The following TMEM178B variants were observed in gnomAD, a reference collection of about 807,000 sequenced individuals.
TMEM178B encodes the protein transmembrane protein 178B.
TMEM178B carries 5 observed loss-of-function variants against 31.0 expected under a neutral mutation model. That is an observed-to-expected ratio of 0.16 (90% CI 0.08 to 0.34). The LOEUF (loss-of-function observed/expected upper bound fraction) is 0.34, where lower values mean the gene tolerates loss of function less well. Ranked by LOEUF, TMEM178B falls within the 10% of genes least tolerant of loss-of-function variation. The probability of loss-of-function intolerance (pLI) is 1.00; values close to 1 mark genes in which losing one functional copy is unlikely to be tolerated. For synonymous variants in TMEM178B, 164 were observed against 164.0 expected, an observed-to-expected ratio of 1.00 and a Z score of 0.00; for missense variants, 275 against 400.3, an observed-to-expected ratio of 0.69 and a Z score of 2.67.
At chr7:141,122,767 T>G (rs1197258416) in intron 1 of TMEM178B, among the ~76,000 whole-genome samples, 1 of 152,260 alleles carries the variant, frequency 6.6e-6, no homozygotes, top group Non-Finnish European at 1.5e-5. Context: ...TTTTCTTCTT[T>G]CTTTCCCACT....
At chr7:141,332,627 C>A (rs1005118745) in intron 2 of TMEM178B, among the ~76,000 whole-genome samples, 1 of 152,316 alleles carries the variant, frequency 6.6e-6, no homozygotes, top group Non-Finnish European at 1.5e-5. Context: ...TTATACAAAA[C>A]AACAGTATGT....
chr7:141,193,755 G>A (rs1796735289), intron 1 of TMEM178B, among the ~76,000 whole-genome samples: 1 of 152,164 alleles, frequency 6.6e-6, no homozygotes, highest in African/African-American at 2.4e-5. Context: ...AAGCACAACA[G>A]CCCCAGCCCA....
At chr7:141,082,701 G>A (rs936201431) in intron 1 of TMEM178B, among the ~76,000 whole-genome samples, 8 of 152,220 alleles carry the variant, frequency 5.3e-5, no homozygotes, top group African/African-American at 1.9e-4. Flanking sequence ...TCTTTGCTAC[G>A]TGTGGAGGGA....
chr7:141,403,934 G>A (rs913033856), intron 2 of TMEM178B, among the ~76,000 whole-genome samples: 17 of 152,200 alleles, frequency 1.1e-4, no homozygotes, highest in African/African-American at 4.1e-4. Context: ...TCGGAAATAA[G>A]CAGGATAAGG....
At chr7:141,131,924 A>G (rs572379814) in intron 1 of TMEM178B, among the ~76,000 whole-genome samples, 4 of 152,354 alleles carry the variant, frequency 2.6e-5, no homozygotes, top group Non-Finnish European at 5.9e-5. Context: ...GGAAAGTTGC[A>G]GATGCTCTGC....
intron 3 of TMEM178B, among the ~76,000 whole-genome samples, chr7:141,455,372 A>G (rs1363292735): frequency 6.6e-6 from 1 of 152,202 alleles, no homozygotes; most frequent in Non-Finnish European, 1.5e-5. Context: ...CTCTTCTTCC[A>G]ATCTCACCAG....
intron 1 of TMEM178B, among the ~76,000 whole-genome samples, chr7:141,169,299 G>T (rs1203397786): frequency 6.6e-6 from 1 of 152,170 alleles, no homozygotes; most frequent in Non-Finnish European, 1.5e-5. Context: ...TGTGGTATTT[G>T]GTTTTCTGTT....
intron 1 of TMEM178B, among the ~76,000 whole-genome samples, chr7:141,109,068 G>A (rs57007054): frequency 0.13 from 20,001 of 151,996 alleles, 2,472 homozygotes; most frequent in African/African-American, 0.32. Flanking sequence ...GTATAGGAGA[G>A]ACCGCCCCCA....
chr7:141,263,834 C>T (rs1321055775), intron 2 of TMEM178B, among the ~76,000 whole-genome samples: 1 of 152,176 alleles, frequency 6.6e-6, no homozygotes, highest in African/African-American at 2.4e-5. Flanking sequence ...CTTTTACTTT[C>T]CATAGTTCTG....
intron 2 of TMEM178B, among the ~76,000 whole-genome samples, chr7:141,246,129 G>T (rs1460196095): frequency 6.6e-6 from 1 of 152,060 alleles, no homozygotes; most frequent in Non-Finnish European, 1.5e-5. Context: ...GAGGGGATGA[G>T]TCTGAATAAG....
chr7:141,128,011 G>A (rs1313044066), intron 1 of TMEM178B, among the ~76,000 whole-genome samples: 5 of 152,170 alleles, frequency 3.3e-5, no homozygotes, highest in African/African-American at 1.2e-4. Context: ...CCTAAAGGCT[G>A]TGTGAATTCC....
At chr7:141,152,943 C>T (rs1041560094) in intron 1 of TMEM178B, among the ~76,000 whole-genome samples, 2 of 152,128 alleles carry the variant, frequency 1.3e-5, no homozygotes, top group African/African-American at 4.8e-5. Context: ...GGAGATAGTA[C>T]CAGAATCCTT....
At chr7:141,190,109 G>A (rs1005847654) in intron 1 of TMEM178B, among the ~76,000 whole-genome samples, 1 of 152,130 alleles carries the variant, frequency 6.6e-6, no homozygotes, top group Non-Finnish European at 1.5e-5. Context: ...CTTGGCTTAC[G>A]ACAAGGTTTT....
At chr7:141,253,818 C>T (rs2116345029) in intron 2 of TMEM178B, among the ~76,000 whole-genome samples, 1 of 152,240 alleles carries the variant, frequency 6.6e-6, no homozygotes, top group Middle Eastern at 3.4e-3. Flanking sequence ...TCTCAAAGTG[C>T]TGGGATTACA....
At chr7:141,262,542 A>G (rs1356779029) in intron 2 of TMEM178B, among the ~76,000 whole-genome samples, 1 of 148,106 alleles carries the variant, frequency 6.8e-6, no homozygotes, top group Non-Finnish European at 1.5e-5. Flanking sequence ...GACTACACAC[A>G]ATGGCAAAGC....
intron 1 of TMEM178B, among the ~76,000 whole-genome samples, chr7:141,103,225 T>G (rs1251468208): frequency 6.6e-6 from 1 of 152,168 alleles, no homozygotes; most frequent in Non-Finnish European, 1.5e-5. Flanking sequence ...AAGAAACCAG[T>G]CTAGACCTGC....
intron 1 of TMEM178B, among the ~76,000 whole-genome samples, chr7:141,081,878 A>G (rs1471787666): frequency 6.6e-6 from 1 of 152,072 alleles, no homozygotes; most frequent in Admixed American, 6.6e-5. Flanking sequence ...GACTCACCCA[A>G]AGCAACTCCC....
rs887562475 is a variant in TMEM178B at position 141,442,675 on chromosome 7, C to G, written c.634+4930C>G. 2.0e-5 allele frequency among the ~76,000 whole-genome samples: 3 copies of G among 152,186 alleles called. No homozygotes were observed. In the East Asian group the frequency reaches 5.8e-4, roughly 29 times the overall value. The stretch of plus-strand genomic sequence containing the variant: ...TCCTTGTAATCCCTTGTGGATGGCT[C>G]ATTTTTCCAATTCAGGTTCCACCCT... On this transcript the variant is annotated intron_variant, in intron 3 of 3. Coordinates refer to ENST00000565468, the MANE Select transcript of TMEM178B (RefSeq NM_001195278.2).
intron 2 of TMEM178B, among the ~76,000 whole-genome samples, chr7:141,369,315 ACG>A (rs1491315854): frequency 1.8e-4 from 20 of 108,866 alleles, no homozygotes; most frequent in African/African-American, 7.3e-4. Flanking sequence ...CTCCGCGCCG[ACG>A]TGTGTGTGTG....
Sources: gnomAD v4.1 joint callset for allele counts (sites outside exome capture counted in the v4.1 genomes callset) on GRCh38, gnomAD v4.1.1 for gene constraint, MANE v1.5 for transcripts, NCBI Gene and HGNC (gene_info 2026-07-23, HGNC 2026-07-21) for gene names.